The following MAOA variants were observed in gnomAD, a reference collection of about 807,000 sequenced individuals.
MAOA encodes monoamine oxidase A.
MAOA carries 6 observed loss-of-function variants against 42.0 expected under a neutral mutation model. The ratio of observed to expected loss-of-function variants is 0.14; its 90% CI spans 0.08 to 0.28. The LOEUF is 0.28. MAOA is among the 10% of genes least tolerant of loss of function. The pLI is 1.00. For missense variants in MAOA, 262 were observed against 422.3 expected (o/e 0.62, Z 3.33); for synonymous variants, 140 against 154.0 (o/e 0.91, Z 0.67).
intron 3 of MAOA, among the ~76,000 whole-genome samples, chrX:43,696,395 C>T (rs1489330220): frequency 8.9e-6 from 1 of 111,748 alleles, no homozygotes; most frequent in Admixed American, 9.5e-5. Flanking sequence ...CTTGGTAGCC[C>T]GAGGCTGCTT....
intron 1 of MAOA, among the ~76,000 whole-genome samples, chrX:43,662,824 CA>C (rs771501524): frequency 9.2e-6 from 1 of 108,351 alleles, no homozygotes; most frequent in South Asian, 3.9e-4. Flanking sequence ...TTTTTTTTTT[CA>C]TTGTAATTAG....
At chrX:43,675,511 G>A (rs1203438535) in intron 1 of MAOA, among the ~76,000 whole-genome samples, 1 of 112,365 alleles carries the variant, frequency 8.9e-6, no homozygotes, top group East Asian at 2.8e-4. Flanking sequence ...GAGGAGGAGA[G>A]GCACTCTGCT....
intron 1 of MAOA, among the ~76,000 whole-genome samples, chrX:43,675,269 C>T (rs1414383730): frequency 2.7e-5 from 3 of 112,062 alleles, no homozygotes; most frequent in Non-Finnish European, 3.8e-5. Flanking sequence ...ACGTAGTTCT[C>T]GAGCCTTGGC....
chrX:43,709,848 A>C (rs1190974099), intron 3 of MAOA, among the ~76,000 whole-genome samples: 1 of 111,888 alleles, frequency 8.9e-6, no homozygotes, highest in Non-Finnish European at 1.9e-5. Flanking sequence ...CCACCCCTGA[A>C]GCTTCTTAAG....
chrX:43,731,573 T>G, intron 7 of MAOA, 121 bp from the exon 8 acceptor site: 2 of 909,366 alleles, frequency 2.2e-6, no homozygotes, highest in African/African-American at 3.9e-5. Flanking sequence ...TTGCCTCATT[T>G]TCTCATTTTG....
intron 9 of MAOA, among the ~76,000 whole-genome samples, chrX:43,734,359 CTTAAAAA>C (rs2033905597): frequency 9.0e-6 from 1 of 110,771 alleles, no homozygotes; most frequent in Admixed American, 9.6e-5. Context: ...GCGATGTAGT[CTTAAAAA>C]TTAAAGCTAC....
At chrX:43,674,539 T>A (rs1020708956) in intron 1 of MAOA, among the ~76,000 whole-genome samples, 3 of 110,923 alleles carry the variant, frequency 2.7e-5, no homozygotes, top group Non-Finnish European at 5.7e-5. Flanking sequence ...TTCTTCCTAG[T>A]CTCAATGGTC....
intron 1 of MAOA, among the ~76,000 whole-genome samples, chrX:43,677,501 CT>C (rs1225845551): frequency 7.5e-4 from 78 of 104,643 alleles, no homozygotes; most frequent in Admixed American, 1.0e-3. Flanking sequence ...AGCAGACTAG[CT>C]TTTTTTTTTT....
rs901950397 is a variant in MAOA at position 43,695,157 on chromosome X, G to A, written c.306+1729G>A. 3.6e-5 allele frequency among the ~76,000 whole-genome samples: 4 copies of A among 111,363 alleles called. No individual in the cohort carries two copies. The Admixed American group carries it at 3.8e-4, about 11-fold the overall frequency. On this transcript the variant is annotated intron_variant, in intron 3 of 14. Transcript: ENST00000338702. ...TATATGGCCTAGAAAATGAAACTGA[G>A]GACTCTGAATGGAGATGTGCTGGAC...
chrX:43,737,727 A>G (rs2147105678), intron 10 of MAOA, among the ~76,000 whole-genome samples: 1 of 112,037 alleles, frequency 8.9e-6, no homozygotes, highest in East Asian at 2.8e-4. Context: ...ATCACCTTGG[A>G]GGTTAAGTTC....
chrX:43,681,968 G>A lies in MAOA; in HGVS notation c.74-1545G>A, dbSNP rs778581082. 3.0e-3 allele frequency among the ~76,000 whole-genome samples: 317 copies of A among 105,487 alleles called. 1 individual carries two copies. The highest frequency in any genetic ancestry group is 7.2e-3 in the South Asian group (17 of 2,377). The allele number at this position is 105,487 out of a possible 115,157, so 91.6% of individuals were successfully genotyped here. ...ACGATCTCGGCTCACTGCAAGCTCC[G>A]CCTCCCGGGTTCAAGCAATTCTCCT... On this transcript the variant is annotated intron_variant, in intron 1 of 14. Transcript: ENST00000338702.
chrX:43,666,399 G>C (rs1360469144), intron 1 of MAOA, among the ~76,000 whole-genome samples: 1 of 110,827 alleles, frequency 9.0e-6, no homozygotes, highest in African/African-American at 3.3e-5. Context: ...CTCTCTTTTT[G>C]TCATACACCA....
intron 3 of MAOA, among the ~76,000 whole-genome samples, chrX:43,706,387 C>T (rs936567485): frequency 2.7e-5 from 3 of 111,560 alleles, no homozygotes; most frequent in Non-Finnish European, 3.8e-5. Context: ...ACACAAAAGC[C>T]GCCAGAAGAA....
At chrX:43,717,712 C>T (rs1045692671) in intron 5 of MAOA, among the ~76,000 whole-genome samples, 21 of 108,641 alleles carry the variant, frequency 1.9e-4, no homozygotes, top group African/African-American at 6.4e-4. Context: ...CCACTGGGGT[C>T]GAGGGAAGAC....
At chrX:43,697,638 C>CT (rs1197354436) in intron 3 of MAOA, among the ~76,000 whole-genome samples, 1 of 112,237 alleles carries the variant, frequency 8.9e-6, no homozygotes, top group Non-Finnish European at 1.9e-5. Flanking sequence ...CTCTCACATA[C>CT]TTTAACCTTT....
intron 10 of MAOA, among the ~76,000 whole-genome samples, chrX:43,737,913 G>A (rs1408247364): frequency 8.9e-6 from 1 of 111,733 alleles, no homozygotes; most frequent in Non-Finnish European, 1.9e-5. Flanking sequence ...CCAGCCTGTA[G>A]GTAGACATTT....
intron 1 of MAOA, among the ~76,000 whole-genome samples, chrX:43,665,810 T>TTAGG (rs2033271283): frequency 1.0e-5 from 1 of 98,350 alleles, no homozygotes; most frequent in Non-Finnish European, 2.1e-5. Context: ...TAGGTATAGA[T>TTAGG]TAGATAGATA....
At chrX:43,698,296 A>G (rs2033596633) in intron 3 of MAOA, among the ~76,000 whole-genome samples, 1 of 111,618 alleles carries the variant, frequency 9.0e-6, no homozygotes, top group African/African-American at 3.3e-5. Flanking sequence ...CCAAGGAACT[A>G]CTCGTTACCT....
At position 43,743,818 on chromosome X, in the gene MAOA, G is replaced by A. The variant is rs1239756674; in HGVS notation, c.1287G>A (p.Arg429=). 8.5e-7 allele frequency: 1 copy of A among 1,171,184 alleles called. No individual in the cohort carries two copies. Among genetic ancestry groups the A allele is most frequent in the Non-Finnish European group, 1.1e-6 (1 of 874,610 alleles). ...YGRVIRQPVG[R]IFFAGTETAT... ...GGGTGATTCGTCAACCCGTGGGCAG[G>A]ATTTTCTTTGCGGGCACAGAGACTG... The change falls in exon 13 of 15, where the codon AGG becomes AGA. Residue 429 remains arginine (R), a synonymous_variant. Transcript: ENST00000338702.
Sources: gnomAD v4.1 joint callset for allele counts (sites outside exome capture counted in the v4.1 genomes callset) on GRCh38, gnomAD v4.1.1 for gene constraint, MANE v1.5 for transcripts, NCBI Gene and HGNC (gene_info 2026-07-23, HGNC 2026-07-21) for gene names.